The following CNGA1 variants were observed in gnomAD, a reference collection of about 807,000 sequenced individuals.
CNGA1 encodes the protein cyclic nucleotide-gated channel alpha-1.
Under a neutral mutation model 69.7 loss-of-function variants are expected in CNGA1, and 53 were observed. That is an observed-to-expected ratio of 0.76 (90% CI 0.61 to 0.96). CNGA1 has a LOEUF of 0.96. Ranked by LOEUF, CNGA1 falls within the 40% of genes least tolerant of loss-of-function variation. The pLI, the probability that CNGA1 is intolerant of heterozygous loss-of-function variation, is 0.00. For missense variants in CNGA1, 739 were observed against 811.2 expected (o/e 0.91, Z 1.08); for synonymous variants, 249 against 283.5 (o/e 0.88, Z 1.22).
chr4:47,963,281 C>T (rs1217960898), intron 3 of CNGA1, among the ~76,000 whole-genome samples: 1 of 152,208 alleles, frequency 6.6e-6, no homozygotes, highest in African/African-American at 2.4e-5. Flanking sequence ...AGTGAGTTTG[C>T]TGGTATTATT....
intron 3 of CNGA1, among the ~76,000 whole-genome samples, chr4:47,959,805 C>T (rs1340043766): frequency 6.6e-6 from 1 of 152,080 alleles, no homozygotes; most frequent in East Asian, 1.9e-4. Context: ...GGGGTTTCAC[C>T]ATGTTGGCCA....
At chr4:47,996,895 T>C (rs1742494181) in intron 2 of CNGA1, among the ~76,000 whole-genome samples, 1 of 151,876 alleles carries the variant, frequency 6.6e-6, no homozygotes, top group Non-Finnish European at 1.5e-5. Flanking sequence ...CCTGCATCCC[T>C]ACGAAAATTT....
At chr4:47,993,199 A>G (rs1742347641) in intron 2 of CNGA1, among the ~76,000 whole-genome samples, 1 of 152,002 alleles carries the variant, frequency 6.6e-6, no homozygotes, top group South Asian at 2.1e-4. Context: ...GATGCTGGCT[A>G]CATAGAATGA....
rs2110157872 is a variant in CNGA1, at chr4:47,951,423, C to CAGAA, written c.153_154insTTCT (p.Glu52PhefsTer2). The stretch of plus-strand genomic sequence containing the variant: ...CCCCTTGCATGAGGGTTTTCATTCT[C>CAGAA]TGATTCTTCAGATGTAGAGGCACTG... On this transcript the variant is annotated frameshift_variant, in exon 5 of 11. Transcript: ENST00000514170. LOFTEE classifies it high-confidence loss of function. The CAGAA allele has an allele frequency of 6.2e-7, 1 of 1,613,880 alleles. No individual in the cohort carries two copies. The highest frequency in any genetic ancestry group is 8.5e-7 in the Non-Finnish European group (1 of 1,179,796).
chr4:48,016,443 C>A (rs532808929), intron 1 of CNGA1, 40 bp downstream of exon 1: 1 of 229,908 alleles, frequency 4.3e-6, no homozygotes, highest in East Asian at 1.1e-4. Flanking sequence ...CAGAAGGGGG[C>A]CTCAGTGCAG....
chr4:47,984,659 TATATACAC>T (rs1560305717), intron 2 of CNGA1, among the ~76,000 whole-genome samples: 2 of 87,950 alleles, frequency 2.3e-5, no homozygotes, highest in Non-Finnish European at 4.9e-5. Flanking sequence ...TATATATATA[TATATACAC>T]ACACACACAC....
At chr4:47,947,778 C>T (rs930575397) in intron 6 of CNGA1, among the ~76,000 whole-genome samples, 6 of 152,080 alleles carry the variant, frequency 3.9e-5, no homozygotes, top group Non-Finnish European at 7.4e-5. Flanking sequence ...TGGTCAGGGA[C>T]CTGGATGGAA....
intron 3 of CNGA1, among the ~76,000 whole-genome samples, chr4:47,961,310 T>C (rs1560293181): frequency 6.6e-6 from 1 of 152,206 alleles, no homozygotes; most frequent in Non-Finnish European, 1.5e-5. Context: ...AGGCTGCCTC[T>C]TGGAACCAGA....
chr4:47,966,400 T>C (rs1395945873), intron 3 of CNGA1, among the ~76,000 whole-genome samples: 1 of 152,220 alleles, frequency 6.6e-6, no homozygotes, highest in Non-Finnish European at 1.5e-5. Flanking sequence ...CATAATTAAC[T>C]ATGTATTAGT....
intron 4 of CNGA1, among the ~76,000 whole-genome samples, 199 bp downstream of exon 4, chr4:47,952,384 T>C (rs1739801024): frequency 6.6e-6 from 1 of 150,400 alleles, no homozygotes; most frequent in African/African-American, 2.4e-5. Context: ...AATAAATAAA[T>C]AAATAAATAA....
At chr4:47,951,542 TA>T in intron 4 of CNGA1, 73 bp from the exon 5 acceptor site, 4 of 950,666 alleles carry the variant, frequency 4.2e-6, no homozygotes, top group Non-Finnish European at 6.9e-6. Context: ...CATTCCTCAC[TA>T]GGGGGACAAT....
At chr4:48,004,947 A>T (rs1714848014) in intron 2 of CNGA1, among the ~76,000 whole-genome samples, 1 of 152,192 alleles carries the variant, frequency 6.6e-6, no homozygotes, top group African/African-American at 2.4e-5. Context: ...GAAAAATTAG[A>T]ACTCAGTCCA....
intron 3 of CNGA1, among the ~76,000 whole-genome samples, chr4:47,976,182 T>C (rs1741357765): frequency 2.5e-5 from 1 of 40,032 alleles, no homozygotes; most frequent in Non-Finnish European, 4.7e-5. Flanking sequence ...CACATACATA[T>C]ATATATACAT....
intron 4 of CNGA1, among the ~76,000 whole-genome samples, chr4:47,951,936 C>T (rs1267346244): frequency 6.6e-6 from 1 of 152,166 alleles, no homozygotes; most frequent in African/African-American, 2.4e-5. Context: ...ACTCTGAGTA[C>T]TTTTCATATG....
At chr4:48,001,313 A>G (rs1163749014) in intron 2 of CNGA1, among the ~76,000 whole-genome samples, 1 of 152,172 alleles carries the variant, frequency 6.6e-6, no homozygotes, top group South Asian at 2.1e-4. Flanking sequence ...TACTAAACAT[A>G]CAAAAATTAG....
intron 6 of CNGA1, 103 bp downstream of exon 6, chr4:47,949,730 G>A (rs1226488359): frequency 1.2e-6 from 1 of 814,470 alleles, no homozygotes; most frequent in Non-Finnish European, 2.0e-6. Context: ...TAGATCATTT[G>A]ATTAATAAAT....
chr4:47,942,582 C>T (rs1739153476), intron 8 of CNGA1, among the ~76,000 whole-genome samples: 1 of 152,084 alleles, frequency 6.6e-6, no homozygotes, highest in South Asian at 2.1e-4. Context: ...CTGGGGTCCC[C>T]AACCCCCGGG....
chr4:47,940,557 T>A (rs926198443), intron 10 of CNGA1, among the ~76,000 whole-genome samples: 5 of 152,228 alleles, frequency 3.3e-5, no homozygotes, highest in Non-Finnish European at 7.3e-5. Flanking sequence ...TGTCAAAAAG[T>A]TGCCTGGTAA....
At chr4:48,009,982 A>C (rs1003010931) in intron 2 of CNGA1, among the ~76,000 whole-genome samples, 3 of 152,210 alleles carry the variant, frequency 2.0e-5, no homozygotes, top group African/African-American at 4.8e-5. Context: ...ATGCCGATAG[A>C]AGTACATCTT....
Sources: allele counts gnomAD v4.1 joint callset (sites outside exome capture counted in the v4.1 genomes callset), GRCh38; gene constraint gnomAD v4.1.1; transcripts MANE v1.5; gene names NCBI Gene and HGNC (gene_info 2026-07-23, HGNC 2026-07-21).